CCSER2: variants seen among roughly 807,000 people sequenced by gnomAD.
CCSER2 encodes serine-rich coiled-coil domain-containing protein 2.
Under a neutral mutation model 92.3 loss-of-function variants are expected in CCSER2, and 46 were observed. That is an observed-to-expected ratio of 0.50 (90% confidence interval 0.39 to 0.64). The LOEUF (loss-of-function observed/expected upper bound fraction) is 0.64, where lower values mean the gene tolerates loss of function less well. Ranked by LOEUF, CCSER2 falls within the 30% of genes least tolerant of loss-of-function variation. The pLI is 0.00. For synonymous variants in CCSER2, 433 were observed against 431.4 expected (o/e 1.00, Z -0.04); for missense variants, 1,244 against 1,238.9 (o/e 1.00, Z -0.06).
intron 9 of CCSER2, among the ~76,000 whole-genome samples, chr10:84,482,749 G>A (rs113515146): frequency 9.2e-5 from 14 of 152,218 alleles, no homozygotes; most frequent in African/African-American, 3.4e-4. Context: ...AGGGAGAACA[G>A]GTTAGACCCA....
chr10:84,471,203 T>C (rs1484434039), intron 8 of CCSER2, among the ~76,000 whole-genome samples: 1 of 151,954 alleles, frequency 6.6e-6, no homozygotes, highest in African/African-American at 2.4e-5. Flanking sequence ...TGGGGTCAGC[T>C]CACGGAGATC....
intron 3 of CCSER2, among the ~76,000 whole-genome samples, chr10:84,377,285 G>A (rs923757558): frequency 6.6e-6 from 1 of 152,028 alleles, no homozygotes; most frequent in Non-Finnish European, 1.5e-5. Context: ...ATGAATATAT[G>A]TTTCAATGTT....
intron 1 of CCSER2, among the ~76,000 whole-genome samples, chr10:84,339,877 T>C (rs1844075590): frequency 6.6e-6 from 1 of 152,202 alleles, no homozygotes; most frequent in Non-Finnish European, 1.5e-5. Context: ...GTTTCACTCT[T>C]GTCGCCCAGT....
chr10:84,499,439 TA>T (rs1248854320), intron 9 of CCSER2, among the ~76,000 whole-genome samples: 1 of 152,168 alleles, frequency 6.6e-6, no homozygotes, highest in Non-Finnish European at 1.5e-5. Context: ...CCGGCCGAAA[TA>T]AAAATTTTTA....
chr10:84,379,333 C>T (rs537311588), intron 3 of CCSER2, among the ~76,000 whole-genome samples: 5 of 152,156 alleles, frequency 3.3e-5, no homozygotes, highest in African/African-American at 1.2e-4. Flanking sequence ...TCTTTTTCTT[C>T]ATTTCCAAGA....
chr10:84,341,037 C>CTTTTTTT (rs749153928), intron 1 of CCSER2, among the ~76,000 whole-genome samples: 1 of 115,174 alleles, frequency 8.7e-6, no homozygotes. Flanking sequence ...CAATGTAACA[C>CTTTTTTT]TTTTTTTTTT....
intron 3 of CCSER2, among the ~76,000 whole-genome samples, chr10:84,374,973 AT>A (rs1324006828): frequency 6.6e-6 from 1 of 152,148 alleles, no homozygotes; most frequent in African/African-American, 2.4e-5. Context: ...CAAACATTTA[AT>A]TTAGAGACAG....
intron 6 of CCSER2, among the ~76,000 whole-genome samples, chr10:84,442,401 A>G (rs1199239688): frequency 6.6e-6 from 1 of 152,214 alleles, no homozygotes; most frequent in Non-Finnish European, 1.5e-5. Context: ...TGAGATGGAA[A>G]TTTACTAAAA....
At chr10:84,418,250 G>T (rs1362938740) in intron 4 of CCSER2, among the ~76,000 whole-genome samples, 5 of 152,110 alleles carry the variant, frequency 3.3e-5, no homozygotes, top group Non-Finnish European at 7.3e-5. Context: ...ATATTTTATA[G>T]AGATTAATTC....
At chr10:84,376,582 ACTTAT>A (rs952905632) in intron 3 of CCSER2, among the ~76,000 whole-genome samples, 2 of 152,082 alleles carry the variant, frequency 1.3e-5, no homozygotes, top group African/African-American at 2.4e-5. Context: ...ATATACTACA[ACTTAT>A]CTTATTGTTC....
chr10:84,353,260 C>T (rs916066890), intron 1 of CCSER2, among the ~76,000 whole-genome samples: 1 of 152,122 alleles, frequency 6.6e-6, no homozygotes, highest in African/African-American at 2.4e-5. Context: ...TTTCTTGCCT[C>T]GGTCATGGAG....
At chr10:84,361,800 C>G (rs1845518125) in intron 1 of CCSER2, among the ~76,000 whole-genome samples, 2 of 152,056 alleles carry the variant, frequency 1.3e-5, no homozygotes, top group African/African-American at 4.8e-5. Context: ...ACCACCATGC[C>G]TGGCTAATTT....
chr10:84,347,676 C>T (rs1170406076), intron 1 of CCSER2, among the ~76,000 whole-genome samples: 2 of 149,472 alleles, frequency 1.3e-5, no homozygotes, highest in East Asian at 2.0e-4. Flanking sequence ...GGCTGCCGGG[C>T]GGAGGGGCTC....
At chr10:84,507,319 C>G in intron 9 of CCSER2, 1 of 985,228 alleles carries the variant, frequency 1.0e-6, no homozygotes, top group Non-Finnish European at 1.2e-6. Flanking sequence ...TCCATTACTT[C>G]TCTGACAAAG....
intron 1 of CCSER2, among the ~76,000 whole-genome samples, chr10:84,342,114 A>C (rs919673784): frequency 6.6e-6 from 1 of 152,030 alleles, no homozygotes; most frequent in East Asian, 1.9e-4. Context: ...ACCTGTACTC[A>C]TGCTCTGGTC....
At chr10:84,346,165 A>G (rs149433416) in intron 1 of CCSER2, among the ~76,000 whole-genome samples, 2,075 of 152,300 alleles carry the variant, frequency 0.014, 21 homozygotes, top group Middle Eastern at 0.061. Flanking sequence ...CCCGGGTTCA[A>G]GCGATTCTTC....
At chr10:84,501,834 A>AATATATATATATATAT (rs1554868293) in intron 9 of CCSER2, among the ~76,000 whole-genome samples, 6 of 40,156 alleles carry the variant, frequency 1.5e-4, no homozygotes, top group Non-Finnish European at 3.3e-4. Flanking sequence ...AAAAAAAAAA[A>AATATATATATATATAT]ATATATATAT....
chr10:84,457,312 TATAATATA>T lies in CCSER2; in HGVS notation c.2065-6620_2065-6613del, dbSNP rs1845750839. On this transcript the variant is annotated intron_variant, in intron 6 of 9. Transcript: ENST00000372088. ...TATATATTATATATAATATGTTATATATAATATATTATATATAATATATTATATATTAT... is the reference window on the plus strand; with the variant it reads ...TATATATTATATATAATATGTTATATTTATATATAATATATTATATATTAT... 2.2e-4 allele frequency among the ~76,000 whole-genome samples: 18 copies of T among 81,210 alleles called. 1 individual carries two copies. The highest frequency in any genetic ancestry group is 8.5e-4 in the African/African-American group (18 of 21,082). 53.3% of individuals were successfully genotyped at this position (81,210 alleles called of 152,430 possible). A position where few individuals can be genotyped will look rare whatever the true frequency, so the allele number is the denominator to read the frequency against.
At chr10:84,484,490 C>T (rs199915779) in intron 9 of CCSER2, among the ~76,000 whole-genome samples, 3,251 of 147,380 alleles carry the variant, frequency 0.022, 94 homozygotes, top group Admixed American at 0.077. Context: ...TGTGCATGCA[C>T]GTGTGTGTGT....
Sources: allele counts gnomAD v4.1 joint callset (sites outside exome capture counted in the v4.1 genomes callset), GRCh38; gene constraint gnomAD v4.1.1; transcripts MANE v1.5; gene names NCBI Gene and HGNC (gene_info 2026-07-23, HGNC 2026-07-21).